The following BCAS1 variants were observed in gnomAD, a reference collection of about 807,000 sequenced individuals.
BCAS1 encodes breast carcinoma-amplified sequence 1.
BCAS1 carries 46 observed loss-of-function variants against 65.4 expected under a neutral mutation model. The ratio of observed to expected loss-of-function variants is 0.70; its 90% CI spans 0.55 to 0.90. The LOEUF is 0.90. BCAS1 is among the 40% of genes least tolerant of loss of function. The pLI is 0.00. For missense variants in BCAS1, 793 were observed against 771.2 expected (o/e 1.03, Z -0.33); for synonymous variants, 298 against 293.5 (o/e 1.02, Z -0.16).
At chr20:53,963,944 T>G (rs1439693500) in intron 10 of BCAS1, among the ~76,000 whole-genome samples, 2 of 152,252 alleles carry the variant, frequency 1.3e-5, no homozygotes, top group African/African-American at 4.8e-5. Flanking sequence ...GGTGAGACAC[T>G]TGGTGTGTGC....
intron 6 of BCAS1, among the ~76,000 whole-genome samples, chr20:53,993,156 T>C (rs538247185): frequency 1.1e-4 from 16 of 152,292 alleles, no homozygotes; most frequent in Admixed American, 8.5e-4. Flanking sequence ...AAAATTTCAA[T>C]TCACTTCTAG....
In BCAS1 at chr20:53,963,101, C is replaced by T. The variant is rs562822507; in HGVS notation, c.1485+3805G>A. 2.5e-3 allele frequency among the ~76,000 whole-genome samples: 386 copies of T among 151,926 alleles called. 4 individuals carry two copies. Among genetic ancestry groups the T allele is most frequent in the African/African-American group, 8.9e-3 (371 of 41,484 alleles). On this transcript the variant is annotated intron_variant, in intron 10 of 12. Transcript: ENST00000688948. ...TCCTGACCTCGTAATCCACCCGCCTCGGCCTCCCAAAGTGCTGGGATTACA... is the reference window on the plus strand; with the variant it reads ...TCCTGACCTCGTAATCCACCCGCCTTGGCCTCCCAAAGTGCTGGGATTACA...
At chr20:54,024,314 C>G (rs1345655174) in intron 4 of BCAS1, among the ~76,000 whole-genome samples, 1 of 152,206 alleles carries the variant, frequency 6.6e-6, no homozygotes, top group African/African-American at 2.4e-5. Context: ...ACAGGATGAA[C>G]TTGTCATTCA....
intron 3 of BCAS1, among the ~76,000 whole-genome samples, chr20:54,054,021 T>A (rs2092259078): frequency 1.3e-5 from 2 of 152,268 alleles, no homozygotes; most frequent in South Asian, 4.1e-4. Flanking sequence ...TCATGGCAGA[T>A]GACGAAGGAA....
chr20:54,014,577 C>G (rs1281509038), intron 4 of BCAS1, among the ~76,000 whole-genome samples: 1 of 152,184 alleles, frequency 6.6e-6, no homozygotes, highest in Middle Eastern at 3.2e-3. Flanking sequence ...TAGATTTCCT[C>G]ATTGTGTAGC....
At chr20:54,010,502 G>T (rs1452541187) in intron 4 of BCAS1, among the ~76,000 whole-genome samples, 2 of 152,028 alleles carry the variant, frequency 1.3e-5, no homozygotes, top group Admixed American at 1.3e-4. Flanking sequence ...ATAATCATAC[G>T]AAAATGAAAT....
In BCAS1 at chr20:53,970,544, T is replaced by C. The variant is rs565288915; in HGVS notation, c.1318-3471A>G. 3.3e-5 allele frequency among the ~76,000 whole-genome samples: 5 copies of C among 152,336 alleles called. No individual in the cohort carries two copies. The East Asian group carries it at 9.6e-4, about 29-fold the overall frequency. ...ATGACCGCATCTGCACATTTTAATTTTGGATATCATGAATGGACATAATTA... is the reference window on the plus strand; with the variant it reads ...ATGACCGCATCTGCACATTTTAATTCTGGATATCATGAATGGACATAATTA... On this transcript the variant is annotated intron_variant, in intron 9 of 12. Transcript: ENST00000688948.
At chr20:53,988,819 C>T (rs1409930220) in intron 7 of BCAS1, among the ~76,000 whole-genome samples, 1 of 152,130 alleles carries the variant, frequency 6.6e-6, no homozygotes, top group Non-Finnish European at 1.5e-5. Context: ...AAGTAACTTG[C>T]CCACAGTTAC....
intron 10 of BCAS1, among the ~76,000 whole-genome samples, chr20:53,959,256 ATTTT>A (rs112880912): frequency 7.0e-6 from 1 of 141,972 alleles, no homozygotes; most frequent in African/African-American, 2.6e-5. Context: ...ATGTCCAGCT[ATTTT>A]TTTTTTTTTT....
chr20:54,019,635 C>T (rs1391729619), intron 4 of BCAS1, among the ~76,000 whole-genome samples: 1 of 152,196 alleles, frequency 6.6e-6, no homozygotes, highest in Non-Finnish European at 1.5e-5. Flanking sequence ...AAGACCCACC[C>T]TCAATGTGGG....
At chr20:54,060,157 C>T (rs1240675127) in intron 1 of BCAS1, among the ~76,000 whole-genome samples, 1 of 152,172 alleles carries the variant, frequency 6.6e-6, no homozygotes, top group African/African-American at 2.4e-5. Context: ...AGCTGTGTGT[C>T]CTTGGGAGAG....
At chr20:54,057,054 A>G (rs1298139199) in intron 3 of BCAS1, among the ~76,000 whole-genome samples, 1 of 152,202 alleles carries the variant, frequency 6.6e-6, no homozygotes, top group Admixed American at 6.5e-5. Context: ...CTACTGGGCT[A>G]TACTACCTCT....
intron 4 of BCAS1, among the ~76,000 whole-genome samples, chr20:54,004,510 C>T (rs1056839850): frequency 6.6e-6 from 1 of 152,184 alleles, no homozygotes; most frequent in African/African-American, 2.4e-5. Flanking sequence ...AAAGCTATTA[C>T]ATGAATAACT....
chr20:53,987,485 C>G (rs1391588900), intron 7 of BCAS1, among the ~76,000 whole-genome samples: 2 of 152,156 alleles, frequency 1.3e-5, no homozygotes, highest in African/African-American at 4.8e-5. Context: ...AAGTACCCCT[C>G]CTCCTAACAC....
In BCAS1 at chr20:54,070,488, C is replaced by T. The variant is rs16998896; in HGVS notation, c.-61G>A. On this transcript the variant is annotated 5_prime_UTR_variant, in exon 1 of 13. Coordinates refer to ENST00000688948, the MANE Select transcript of BCAS1 (RefSeq NM_001366298.2). ...CCCCTCGTGTCACCCGGAGCTGCTCCTGCACAGGGTCCTGGGTCTCCAGTG... is the reference window on the plus strand; with the variant it reads ...CCCCTCGTGTCACCCGGAGCTGCTCTTGCACAGGGTCCTGGGTCTCCAGTG... 0.051 allele frequency: 7,816 copies of T among 152,514 alleles called. 390 individuals are homozygous for T. Among genetic ancestry groups the T allele is most frequent in the East Asian group, 0.27 (1,392 of 5,160 alleles). 9.4% of individuals were successfully genotyped at this position (152,514 alleles called of 1,614,324 possible).
At chr20:53,957,334 G>A (rs2089729619) in intron 11 of BCAS1, 98 bp downstream of exon 11, 2 of 1,099,928 alleles carry the variant, frequency 1.8e-6, no homozygotes. Context: ...GATATTAAAT[G>A]AGTTGGCTGT....
chr20:53,973,581 T>A (rs1301689892), intron 9 of BCAS1, among the ~76,000 whole-genome samples: 2 of 152,186 alleles, frequency 1.3e-5, no homozygotes, highest in Non-Finnish European at 2.9e-5. Context: ...ATCCAAAAAG[T>A]TTTTCTTTAG....
intron 6 of BCAS1, among the ~76,000 whole-genome samples, chr20:53,993,791 T>C (rs1331803098): frequency 6.6e-6 from 1 of 152,220 alleles, no homozygotes; most frequent in Non-Finnish European, 1.5e-5. Context: ...GGAAAATGCA[T>C]GTAGATGCTT....
In BCAS1 at chr20:54,048,887, G is replaced by T. The variant is rs146318681; in HGVS notation, c.142+9198C>A. 2.7e-3 allele frequency among the ~76,000 whole-genome samples: 410 copies of T among 152,272 alleles called. 2 individuals carry two copies. The highest frequency in any genetic ancestry group is 6.9e-3 in the Admixed American group (105 of 15,304). On this transcript the variant is annotated intron_variant, in intron 3 of 12. Coordinates refer to ENST00000688948, the MANE Select transcript of BCAS1 (RefSeq NM_001366298.2). ...TCTCAGGCCTTGTGCTGAGCTCTGG[G>T]ACCCTCATAACAAGAAAGGATGGCA...
Sources: allele counts gnomAD v4.1 joint callset (sites outside exome capture counted in the v4.1 genomes callset), GRCh38; gene constraint gnomAD v4.1.1; transcripts MANE v1.5; gene names NCBI Gene and HGNC (gene_info 2026-07-23, HGNC 2026-07-21).